BTBD2: variants seen among roughly 807,000 people sequenced by gnomAD.
BTBD2 encodes BTB domain containing 2, also known as BTB/POZ domain-containing protein 2.
BTBD2 carries 15 observed loss-of-function variants against 44.0 expected under a neutral mutation model. The observed-to-expected ratio is 0.34, with a 90% confidence interval of 0.23 to 0.53. The LOEUF is 0.53. Among genes scored for constraint, BTBD2 ranks in the 20% least tolerant of loss-of-function variants. The pLI is 0.95. For synonymous variants in BTBD2, 443 were observed against 335.9 expected (o/e 1.32, Z -3.49); for missense variants, 657 against 746.4 (o/e 0.88, Z 1.39).
In BTBD2 at chr19:1,986,347, T is replaced by C. The variant is rs1228194251; in HGVS notation, c.*141A>G. On this transcript the variant is annotated 3_prime_UTR_variant, in exon 9 of 9. Coordinates refer to ENST00000255608, the MANE Select transcript of BTBD2 (RefSeq NM_017797.4). ...ACACAGGGCAACCCCGTCCTGATGC[T>C]GAGAAAGGTGGCATGGAGTGGACAG... 9.3e-7 allele frequency: 1 copy of C among 1,078,508 alleles called. No individual in the cohort carries two copies. The highest frequency in any genetic ancestry group is 2.4e-5 in the East Asian group (1 of 41,240). 66.8% of individuals were successfully genotyped at this position (1,078,508 alleles called of 1,614,324 possible).
At chr19:1,997,971 T>G (rs4807192) in intron 1 of BTBD2, among the ~76,000 whole-genome samples, 11,889 of 152,252 alleles carry the variant, frequency 0.078, 1,385 homozygotes, top group African/African-American at 0.25. Flanking sequence ...ACTCATTCAT[T>G]CATCCACACA....
At position 1,986,850 on chromosome 19, in the gene BTBD2, T is replaced by G. The variant is rs1197054444; in HGVS notation, c.1396A>C (p.Thr466Pro). 6.2e-7 allele frequency: 1 copy of G among 1,610,492 alleles called. No homozygotes were observed. The highest frequency in any genetic ancestry group is 8.5e-7 in the Non-Finnish European group (1 of 1,178,892). ...CGCACCTTGAGCGTGGCACAGGCCG[T>G]GTAGTTGACGTTGGGCAGCACCTCC... is the stretch of plus-strand genomic sequence containing the variant. ...PVEVLPNVNY[T>P]ACATLKGPDS... Residue 466 changes from threonine to proline, a missense_variant, in exon 8 of 9, where the codon ACG (threonine) becomes CCG (proline). Physicochemically the swap from Thr to Pro is conservative, Grantham distance 38 (BLOSUM62 -1). Around this residue, in one of 3 missense-constraint regions of BTBD2, gnomAD observed 449 missense variants for 510.9 expected, o/e 0.88. Coordinates refer to ENST00000255608, the MANE Select transcript of BTBD2 (RefSeq NM_017797.4).
rs2016526127 is a variant in BTBD2, at chr19:2,015,605, G to T, written c.99C>A (p.Ala33=). 1.2e-5 allele frequency: 12 copies of T among 972,848 alleles called. No individual in the cohort carries two copies. The highest frequency in any genetic ancestry group is 3.7e-5 in the African/African-American group (2 of 54,350). The allele number at this position is 972,848 out of a possible 1,614,324, so 60.3% of individuals were successfully genotyped here. A position where few individuals can be genotyped will look rare whatever the true frequency, so the allele number is the denominator to read the frequency against. ...CCGCGTTGCCGGGGGCCGGGGTGGC[G>T]GCGGCGTTGGCGCTGGGCCCGGGAC... ...GGSPGPSANA[A]ATPAPGNAAA... Residue 33 remains alanine (A), a synonymous_variant, in exon 1 of 9, where the codon GCC becomes GCA. Transcript: ENST00000255608.
chr19:1,991,594 G>A (rs566964408), intron 3 of BTBD2, among the ~76,000 whole-genome samples: 8 of 152,298 alleles, frequency 5.3e-5, no homozygotes, highest in Admixed American at 2.0e-4. Context: ...GTGGGAGTCC[G>A]GGATGCCCTG....
intron 1 of BTBD2, among the ~76,000 whole-genome samples, chr19:2,011,169 T>G (rs2016459747): frequency 6.6e-6 from 1 of 152,078 alleles, no homozygotes; most frequent in Non-Finnish European, 1.5e-5. Flanking sequence ...TGGCTTGTGA[T>G]GCTCCAGCCA....
At chr19:1,999,716 T>G (rs1599355153) in intron 1 of BTBD2, among the ~76,000 whole-genome samples, 1 of 149,830 alleles carries the variant, frequency 6.7e-6, no homozygotes, top group South Asian at 2.1e-4. Flanking sequence ...ATCCCACCAC[T>G]TTGGGAGGCC....
At chr19:2,001,127 T>C (rs931438695) in intron 1 of BTBD2, among the ~76,000 whole-genome samples, 2 of 150,796 alleles carry the variant, frequency 1.3e-5, no homozygotes, top group African/African-American at 4.9e-5. Flanking sequence ...CTATGAAAAA[T>C]ACAAAAATTA....
chr19:2,003,786 A>G (rs7252328), intron 1 of BTBD2, among the ~76,000 whole-genome samples: 29,953 of 149,218 alleles, frequency 0.2, 3,438 homozygotes, highest in East Asian at 0.3. Flanking sequence ...AAAAAAAAAA[A>G]AGAGAAAGAA....
At chr19:2,013,417 C>T in intron 1 of BTBD2, 1 of 773,246 alleles carries the variant, frequency 1.3e-6, no homozygotes, top group Non-Finnish European at 1.6e-6. Context: ...AGGGAGGGAC[C>T]CCGGAGCTGG....
In BTBD2 at chr19:2,015,630, C is replaced by T; in HGVS notation, c.74G>A (p.Ser25Asn). 3.8e-5 allele frequency: 37 copies of T among 980,790 alleles called. No homozygotes were observed. Among genetic ancestry groups the T allele is most frequent in the Non-Finnish European group, 4.5e-5 (37 of 830,374 alleles). The allele number at this position is 980,790 out of a possible 1,614,324, so 60.8% of individuals were successfully genotyped here. Reference protein sequence around the residue: ...GVGVGPGTGGSPGPSANAAAT... With the variant: ...GVGVGPGTGGNPGPSANAAAT... Reference sequence around the variant, plus strand: ...GGCGGCGTTGGCGCTGGGCCCGGGACTGCCCCCCGTGCCCGGGCCGACCCC... The same window carrying T: ...GGCGGCGTTGGCGCTGGGCCCGGGATTGCCCCCCGTGCCCGGGCCGACCCC... Residue 25 changes from serine (S) to asparagine (N), a missense_variant, in exon 1 of 9, where the codon AGT (serine) becomes AAT (asparagine). Coordinates refer to ENST00000255608, the MANE Select transcript of BTBD2 (RefSeq NM_017797.4).
At chr19:1,987,294 G>A (rs764024901) in intron 6 of BTBD2, 41 bp from the exon 7 acceptor site, 5 of 1,604,636 alleles carry the variant, frequency 3.1e-6, no homozygotes, top group African/African-American at 2.7e-5. Context: ...GATACCCAGG[G>A]ATAGCCTAAG....
rs1228841529 is a variant in BTBD2 at position 1,999,324 on chromosome 19, G to A, written c.408-1861C>T. Reference sequence around the variant, plus strand: ...CGGTGCTAACTCCGTGAGTCAGGACGAAGGCGCCGGGGAAGGCTGGCCCTA... The same window carrying A: ...CGGTGCTAACTCCGTGAGTCAGGACAAAGGCGCCGGGGAAGGCTGGCCCTA... On this transcript the variant is annotated intron_variant, in intron 1 of 8. Coordinates refer to ENST00000255608, the MANE Select transcript of BTBD2 (RefSeq NM_017797.4). Among the ~76,000 whole-genome samples, 4 of 152,346 alleles carry A rather than the reference G, an allele frequency of 2.6e-5. No homozygotes were observed. In the South Asian group the frequency reaches 8.3e-4, roughly 32 times the overall value.
intron 1 of BTBD2, 93 bp downstream of exon 1, chr19:2,015,204 C>T: frequency 7.3e-7 from 1 of 1,374,456 alleles, no homozygotes; most frequent in Non-Finnish European, 9.4e-7. Flanking sequence ...GTGCGGGGGT[C>T]TCGGGGACAG....
chr19:1,989,384 G>C (rs2016139413), intron 5 of BTBD2: 1 of 155,674 alleles, frequency 6.4e-6, no homozygotes, highest in East Asian at 1.9e-4. Context: ...AGACCCTCTT[G>C]CTAAATCTGG....
chr19:1,986,922 A>T lies in BTBD2; in HGVS notation c.1324T>A (p.Cys442Ser), dbSNP rs2016093501. 1.2e-6 allele frequency: 2 copies of T among 1,613,204 alleles called. No individual in the cohort carries two copies. Among genetic ancestry groups the T allele is most frequent in the African/African-American group, 2.7e-5 (2 of 74,920 alleles). Residue 442 changes from cysteine (C) to serine (S), a missense_variant, in exon 8 of 9, where the codon TGC (cysteine) becomes AGC (serine). By Grantham distance (112) the Cys-to-Ser change is moderately radical. Coordinates refer to ENST00000255608, the MANE Select transcript of BTBD2 (RefSeq NM_017797.4). ...CGGAAGGTGCTGGCTGAGCCGTCGC[A>T]GCTGAAGCCCGTGTCGTTCTGGCCC... ...VLGQNDTGFS[C>S]DGSASTFRVM...
At chr19:2,011,041 T>G (rs1006672632) in intron 1 of BTBD2, among the ~76,000 whole-genome samples, 1 of 152,132 alleles carries the variant, frequency 6.6e-6, no homozygotes, top group Non-Finnish European at 1.5e-5. Flanking sequence ...CTGAGTGACC[T>G]TGTTTCAATC....
intron 1 of BTBD2, among the ~76,000 whole-genome samples, chr19:2,001,913 AT>A: frequency 6.7e-6 from 1 of 149,482 alleles, no homozygotes; most frequent in Non-Finnish European, 1.5e-5. Flanking sequence ...TAATTTGTGT[AT>A]TTTTTTAGTA....
At chr19:2,006,914 G>A (rs572142285) in intron 1 of BTBD2, among the ~76,000 whole-genome samples, 1 of 152,054 alleles carries the variant, frequency 6.6e-6, no homozygotes, top group South Asian at 2.1e-4. Flanking sequence ...CTGGAGTGCA[G>A]TGACGCGATC....
At chr19:2,008,312 TTTTTC>T (rs2016420435) in intron 1 of BTBD2, among the ~76,000 whole-genome samples, 1 of 148,986 alleles carries the variant, frequency 6.7e-6, no homozygotes, top group African/African-American at 2.5e-5. Context: ...TCTTTTTTTT[TTTTTC>T]TAGGTGGAGT....
Sources: gnomAD v4.1 joint callset for allele counts (sites outside exome capture counted in the v4.1 genomes callset) on GRCh38, gnomAD v4.1.1 for gene constraint, gnomAD v4.1.1 regional missense constraint, MANE v1.5 for transcripts, NCBI Gene and HGNC (gene_info 2026-07-23, HGNC 2026-07-21) for gene names.